The following MAP4K4 variants were observed in gnomAD, a reference collection of about 807,000 sequenced individuals.
MAP4K4 encodes the protein mitogen-activated protein kinase kinase kinase kinase 4, also known as HPK/GCK-like kinase HGK.
A neutral mutation model predicts 189.6 loss-of-function variants in MAP4K4; 38 were observed. That is an observed-to-expected ratio of 0.20 (90% CI 0.15 to 0.26). The LOEUF is 0.26. Among genes scored for constraint, MAP4K4 ranks in the 10% least tolerant of loss-of-function variants. The pLI is 1.00. For missense variants in MAP4K4, 1,054 were observed against 1,726.9 expected (o/e 0.61, Z 6.91); for synonymous variants, 610 against 624.3 (o/e 0.98, Z 0.34).
intron 2 of MAP4K4, among the ~76,000 whole-genome samples, chr2:101,721,976 C>G (rs1457124549): frequency 3.3e-5 from 5 of 152,180 alleles, no homozygotes; most frequent in African/African-American, 1.2e-4. Flanking sequence ...TCCCTAACTC[C>G]TGCTGCAGCT....
chr2:101,794,115 G>C (rs1414613307), intron 3 of MAP4K4, among the ~76,000 whole-genome samples: 1 of 152,112 alleles, frequency 6.6e-6, no homozygotes, highest in Non-Finnish European at 1.5e-5. Context: ...GTTTTGGGAA[G>C]GGTTTAAGGA....
chr2:101,708,159 T>G lies in MAP4K4; in HGVS notation c.123+9621T>G, dbSNP rs547725423. Among the ~76,000 whole-genome samples, 4 of 152,308 alleles carry G rather than the reference T, an allele frequency of 2.6e-5. No homozygotes were observed. The South Asian group carries it at 8.3e-4, about 32-fold the overall frequency. On this transcript the variant is annotated intron_variant, in intron 2 of 32. Transcript: ENST00000324219. ...GATCTCTACTACCTCTTTTCCCCTT[T>G]ATATCTTTATTCTTTTGTTTACTTT...
intron 3 of MAP4K4, among the ~76,000 whole-genome samples, chr2:101,821,935 C>T (rs764835745): frequency 2.0e-5 from 3 of 152,126 alleles, no homozygotes; most frequent in Non-Finnish European, 4.4e-5. Flanking sequence ...CAGAAACACA[C>T]ACGTTATCTT....
intron 29 of MAP4K4, 64 bp from the exon 30 acceptor site, chr2:101,887,024 C>CA (rs569902749): frequency 0.063 from 52,796 of 841,900 alleles, 6 homozygotes; most frequent in East Asian, 0.081. Context: ...GACTCCGTCT[C>CA]AAAAAAAAAA....
chr2:101,854,098 C>A (rs1420014607), intron 12 of MAP4K4, among the ~76,000 whole-genome samples: 1 of 152,026 alleles, frequency 6.6e-6, no homozygotes, highest in Non-Finnish European at 1.5e-5. Flanking sequence ...ACAAGGATTC[C>A]CGGGAAGTTT....
intron 2 of MAP4K4, among the ~76,000 whole-genome samples, chr2:101,700,069 A>C (rs965606422): frequency 1.3e-5 from 2 of 152,182 alleles, no homozygotes; most frequent in Non-Finnish European, 2.9e-5. Context: ...CTTCCAAGTG[A>C]ATTAGCCAGA....
chr2:101,808,444 T>TA (rs1390070538), intron 3 of MAP4K4, among the ~76,000 whole-genome samples: 3 of 152,194 alleles, frequency 2.0e-5, no homozygotes, highest in Non-Finnish European at 2.9e-5. Context: ...TATGCTAGTT[T>TA]AAAAGTTCAA....
At chr2:101,847,819 A>G (rs1303533738) in intron 12 of MAP4K4, among the ~76,000 whole-genome samples, 1 of 152,228 alleles carries the variant, frequency 6.6e-6, no homozygotes, top group African/African-American at 2.4e-5. Flanking sequence ...GCTAATGTTC[A>G]AGGTCTTCAT....
Position 101,851,564 on chromosome 2 carries a change from T to G in MAP4K4, c.1234-4413T>G, listed in dbSNP as rs570510672. The stretch of plus-strand genomic sequence containing the variant: ...TTAAGATATTAAGGACTTTCTTAAT[T>G]TTTTAATGATTCCTCTTAGTGCCCC... On this transcript the variant is annotated intron_variant, in intron 12 of 32. Transcript: ENST00000324219. Among the ~76,000 whole-genome samples the G allele has an allele frequency of 8.5e-5, 13 of 152,190 alleles. No individual in the cohort carries two copies. The East Asian group carries it at 1.9e-3, about 23-fold the overall frequency.
chr2:101,751,825 G>T (rs1371943689), intron 2 of MAP4K4, among the ~76,000 whole-genome samples: 1 of 152,178 alleles, frequency 6.6e-6, no homozygotes, highest in East Asian at 1.9e-4. Flanking sequence ...CTTCGCTGTG[G>T]TCTGGACAGT....
At chr2:101,866,144 G>A (rs138263880) in intron 18 of MAP4K4, among the ~76,000 whole-genome samples, 26 of 152,260 alleles carry the variant, frequency 1.7e-4, no homozygotes, top group African/African-American at 6.0e-4. Flanking sequence ...TGACAGAAAT[G>A]GTGCTGCTTC....
At chr2:101,765,555 G>T (rs374567123) in intron 2 of MAP4K4, among the ~76,000 whole-genome samples, 1 of 152,176 alleles carries the variant, frequency 6.6e-6, no homozygotes, top group South Asian at 2.1e-4. Flanking sequence ...AAACTCCTGA[G>T]CTCAAGCAGT....
At chr2:101,825,508 C>G in intron 5 of MAP4K4, 79 bp downstream of exon 5, 1 of 790,758 alleles carries the variant, frequency 1.3e-6, no homozygotes. Context: ...CCAAGTACTT[C>G]TTTGCATTAC....
At chr2:101,708,237 A>G (rs2043438785) in intron 2 of MAP4K4, among the ~76,000 whole-genome samples, 1 of 152,214 alleles carries the variant, frequency 6.6e-6, no homozygotes, top group Admixed American at 6.5e-5. Context: ...TCAGTCCACC[A>G]TGTTTAACCA....
chr2:101,817,579 C>G (rs2095801454), intron 3 of MAP4K4, among the ~76,000 whole-genome samples: 1 of 152,170 alleles, frequency 6.6e-6, no homozygotes, highest in African/African-American at 2.4e-5. Context: ...AGTGCAGTCT[C>G]ATTGAAAGAT....
intron 2 of MAP4K4, among the ~76,000 whole-genome samples, chr2:101,704,567 A>ATATTTT (rs2041127435): frequency 4.3e-5 from 1 of 23,398 alleles, no homozygotes; most frequent in African/African-American, 3.2e-4. Context: ...ATATATATAT[A>ATATTTT]TTTTTTTTTT....
chr2:101,748,668 A>G (rs2066889972), intron 2 of MAP4K4, among the ~76,000 whole-genome samples: 2 of 152,244 alleles, frequency 1.3e-5, no homozygotes, highest in African/African-American at 4.8e-5. Flanking sequence ...GTTAGCTAGG[A>G]CAAGAGAAGG....
chr2:101,780,147 G>T (rs933523593), intron 2 of MAP4K4, among the ~76,000 whole-genome samples: 4 of 152,178 alleles, frequency 2.6e-5, no homozygotes, highest in African/African-American at 9.7e-5. Flanking sequence ...TTCTTGAAGT[G>T]CTGAGAAAGA....
chr2:101,859,323 T>C lies in MAP4K4; in HGVS notation c.1482+241T>C, dbSNP rs561821887. 5.9e-5 allele frequency among the ~76,000 whole-genome samples: 9 copies of C among 152,346 alleles called. No homozygotes were observed. The South Asian group carries it at 1.9e-3, about 32-fold the overall frequency. ...AGACCAACAAGGTTTTGAACAGAAC[T>C]TGGCACTCAGTGAACACACTAGAAT... On this transcript the variant is annotated intron_variant, in intron 14 of 32. Coordinates refer to ENST00000324219, the Ensembl canonical transcript of MAP4K4.
Sources: gnomAD v4.1 joint callset for allele counts (sites outside exome capture counted in the v4.1 genomes callset) on GRCh38, gnomAD v4.1.1 for gene constraint, MANE v1.5 for transcripts, NCBI Gene and HGNC (gene_info 2026-07-23, HGNC 2026-07-21) for gene names.